The following E2F6 variants were observed in gnomAD, a reference collection of about 807,000 sequenced individuals.
The protein encoded by E2F6 is transcription factor E2F6.
Under a neutral mutation model 31.5 loss-of-function variants are expected in E2F6, and 19 were observed. The observed-to-expected ratio is 0.60, with a 90% CI of 0.42 to 0.89. The LOEUF (loss-of-function observed/expected upper bound fraction) is 0.89, where lower values mean the gene tolerates loss of function less well. Among genes scored for constraint, E2F6 ranks in the 40% least tolerant of loss-of-function variants. The probability of loss-of-function intolerance (pLI) is 0.00; values close to 1 mark genes in which losing one functional copy is unlikely to be tolerated. For synonymous variants in E2F6, 121 were observed against 127.7 expected (o/e 0.95, Z 0.36); for missense variants, 269 against 341.6 (o/e 0.79, Z 1.67).
intron 5 of E2F6, among the ~76,000 whole-genome samples, chr2:11,448,302 T>C (rs1670849610): frequency 6.6e-6 from 1 of 152,270 alleles, no homozygotes; most frequent in African/African-American, 2.4e-5. Context: ...TTAATCAAAA[T>C]ACTTTTTTTC....
rs541014882 is a variant in E2F6, at chr2:11,454,613, T to G, written c.164-815A>C. Reference sequence around the variant, plus strand: ...ATCCACCTGCCTCAGCCTCCCGAAGTACTGGGATTACAGGCATTAAGAGCC... The same window carrying G: ...ATCCACCTGCCTCAGCCTCCCGAAGGACTGGGATTACAGGCATTAAGAGCC... On this transcript the variant is annotated intron_variant, in intron 2 of 6. Coordinates refer to ENST00000381525, the MANE Select transcript of E2F6 (RefSeq NM_198256.4). Among the ~76,000 whole-genome samples, 39 of 152,228 alleles carry G rather than the reference T, an allele frequency of 2.6e-4. 1 individual carries two copies. The highest frequency in any genetic ancestry group is 8.4e-4 in the African/African-American group (35 of 41,546).
At chr2:11,447,000 G>A (rs570824627) in intron 6 of E2F6, among the ~76,000 whole-genome samples, 17 of 152,300 alleles carry the variant, frequency 1.1e-4, no homozygotes, top group African/African-American at 3.6e-4. Context: ...GTCTTTGTTC[G>A]GATGTCGGTG....
chr2:11,445,229 A>C lies in E2F6; in HGVS notation c.*1248T>G, dbSNP rs1341904810. The C allele has an allele frequency of 6.6e-6, 1 of 152,294 alleles. No homozygotes were observed. Among genetic ancestry groups the C allele is most frequent in the Non-Finnish European group, 1.5e-5 (1 of 68,044 alleles). 9.4% of individuals were successfully genotyped at this position (152,294 alleles called of 1,614,324 possible). A position where few individuals can be genotyped will look rare whatever the true frequency, so the allele number is the denominator to read the frequency against. On this transcript the variant is annotated 3_prime_UTR_variant, in exon 7 of 7. Coordinates refer to ENST00000381525, the MANE Select transcript of E2F6 (RefSeq NM_198256.4). ...AAAAGCAATATTCAAACGATACAGG[A>C]ATCTTGTACGATAGACAAACCAAAT...
intron 5 of E2F6, 70 bp from the exon 6 acceptor site, chr2:11,447,844 G>A: frequency 1.3e-6 from 2 of 1,527,234 alleles, no homozygotes; most frequent in East Asian, 2.4e-5. Context: ...CACTAGAACT[G>A]CAAAAATTTC....
chr2:11,456,047 T>C (rs1347395411), intron 2 of E2F6, among the ~76,000 whole-genome samples: 1 of 152,230 alleles, frequency 6.6e-6, no homozygotes, highest in East Asian at 1.9e-4. Context: ...TAGCTTGTGC[T>C]GTGGAGGAGG....
At chr2:11,454,127 A>G (rs1482834011) in intron 2 of E2F6, among the ~76,000 whole-genome samples, 1 of 152,232 alleles carries the variant, frequency 6.6e-6, no homozygotes, top group Non-Finnish European at 1.5e-5. Context: ...TACCACTCTC[A>G]GGAATAGAAT....
intron 3 of E2F6, among the ~76,000 whole-genome samples, chr2:11,452,681 G>T (rs771601646): frequency 5.3e-5 from 8 of 151,844 alleles, no homozygotes; most frequent in African/African-American, 7.3e-5. Flanking sequence ...GGCAACAACT[G>T]ATTTTCATTT....
intron 2 of E2F6, among the ~76,000 whole-genome samples, chr2:11,455,946 G>T (rs139494034): frequency 6.6e-6 from 1 of 152,196 alleles, no homozygotes; most frequent in African/African-American, 2.4e-5. Context: ...GTGACAGAGG[G>T]TGAGGGGCTG....
chr2:11,457,912 C>T (rs1416261803), intron 1 of E2F6, among the ~76,000 whole-genome samples: 3 of 152,114 alleles, frequency 2.0e-5, no homozygotes, highest in Non-Finnish European at 4.4e-5. Context: ...GAAACTTTTG[C>T]GTTAGATAAA....
intron 4 of E2F6, 141 bp from the exon 5 acceptor site, chr2:11,450,267 TAAA>T: frequency 3.7e-5 from 12 of 321,570 alleles, no homozygotes; most frequent in South Asian, 7.7e-5. Flanking sequence ...AGGAAAGCAG[TAAA>T]AAAAAAAAAA....
chr2:11,454,644 G>A (rs185869995), intron 2 of E2F6, among the ~76,000 whole-genome samples: 27 of 151,954 alleles, frequency 1.8e-4, no homozygotes, highest in Middle Eastern at 3.4e-3. Context: ...GAGCCACCGC[G>A]GCTGGCCCAG....
chr2:11,450,983 C>G (rs1278070849), intron 4 of E2F6, among the ~76,000 whole-genome samples: 1 of 152,138 alleles, frequency 6.6e-6, no homozygotes, highest in Non-Finnish European at 1.5e-5. Flanking sequence ...GCCCCACCCC[C>G]CAGCTCCCTG....
At chr2:11,458,489 G>C (rs1671553622) in intron 1 of E2F6, 3 of 791,960 alleles carry the variant, frequency 3.8e-6, no homozygotes, top group Non-Finnish European at 6.4e-6. Context: ...AAGCTGGGAG[G>C]GCATGCTGGC....
chr2:11,450,231 T>G, intron 4 of E2F6, 105 bp from the exon 5 acceptor site: 1 of 615,354 alleles, frequency 1.6e-6, no homozygotes, highest in Non-Finnish European at 2.7e-6. Flanking sequence ...TGTTTTTAGT[T>G]TTTATGAGAT....
intron 4 of E2F6, among the ~76,000 whole-genome samples, chr2:11,450,805 C>A (rs976374294): frequency 6.6e-6 from 1 of 151,696 alleles, no homozygotes; most frequent in Non-Finnish European, 1.5e-5. Flanking sequence ...CCTTCCAGTA[C>A]CTGTACTGTG....
Position 11,465,756 on chromosome 2 carries a change from C to G in E2F6, c.108+16G>C, listed in dbSNP as rs1397875231. ...TGGGAGACCACCGCCCGTCCCCGTC[C>G]CGTCCCGGAGCTTACCAGCAGGCCC... On this transcript the variant is annotated intron_variant, in intron 1 of 6. Coordinates refer to ENST00000381525, the MANE Select transcript of E2F6 (RefSeq NM_198256.4). 6.3e-7 allele frequency: 1 copy of G among 1,575,696 alleles called. No homozygotes were observed. Among genetic ancestry groups the G allele is most frequent in the Non-Finnish European group, 8.6e-7 (1 of 1,161,244 alleles).
chr2:11,451,551 A>G (rs1671070215), intron 4 of E2F6, 100 bp downstream of exon 4: 3 of 1,207,346 alleles, frequency 2.5e-6, no homozygotes, highest in Non-Finnish European at 3.3e-6. Context: ...GTCTAATTTT[A>G]TATCTTAAAT....
intron 1 of E2F6, among the ~76,000 whole-genome samples, chr2:11,457,701 T>C (rs1278707895): frequency 6.6e-6 from 1 of 152,200 alleles, no homozygotes; most frequent in African/African-American, 2.4e-5. Flanking sequence ...ATTACAACAC[T>C]GTCCCTGACT....
chr2:11,450,330 G>T (rs946464132), intron 4 of E2F6, among the ~76,000 whole-genome samples: 2 of 151,910 alleles, frequency 1.3e-5, no homozygotes, highest in Admixed American at 6.6e-5. Flanking sequence ...TTTTATGAAG[G>T]GTTTTACAAT....
Sources: gnomAD v4.1 joint callset for allele counts (sites outside exome capture counted in the v4.1 genomes callset) on GRCh38, gnomAD v4.1.1 for gene constraint, MANE v1.5 for transcripts, NCBI Gene and HGNC (gene_info 2026-07-23, HGNC 2026-07-21) for gene names.